FBXL2: variants seen among roughly 807,000 people sequenced by gnomAD.
FBXL2 encodes F-box/LRR-repeat protein 2.
FBXL2 carries 38 observed loss-of-function variants against 69.2 expected under a neutral mutation model. That is an observed-to-expected ratio of 0.55 (90% CI 0.42 to 0.72). The LOEUF (loss-of-function observed/expected upper bound fraction) is 0.72. Ranked by LOEUF, FBXL2 falls within the 30% of genes least tolerant of loss-of-function variation. The probability of loss-of-function intolerance (pLI) is 0.00; values close to 1 mark genes in which losing one functional copy is unlikely to be tolerated. For synonymous variants in FBXL2, 192 were observed against 201.3 expected, an observed-to-expected ratio of 0.95 and a Z score of 0.39; for missense variants, 354 against 520.3, an observed-to-expected ratio of 0.68 and a Z score of 3.11.
In FBXL2 at chr3:33,366,986, T is replaced by A. The variant is rs180718782; in HGVS notation, c.290+2267T>A. ...AAACAATTTTAAAAAATTCTGGGAG[T>A]GTTTATGTACAATTTGTATTTTTTA... On this transcript the variant is annotated intron_variant, in intron 5 of 14. Transcript: ENST00000484457. Among the ~76,000 whole-genome samples, 3 of 152,130 alleles carry A rather than the reference T, an allele frequency of 2.0e-5. No homozygotes were observed. The East Asian group carries it at 5.8e-4, about 29-fold the overall frequency.
At chr3:33,315,630 A>G (rs563257366) in intron 2 of FBXL2, among the ~76,000 whole-genome samples, 35 of 151,820 alleles carry the variant, frequency 2.3e-4, no homozygotes, top group Non-Finnish European at 4.7e-4. Context: ...TATTTCAGAA[A>G]ATTTTTCTTT....
rs11312891 is a variant in FBXL2, at chr3:33,300,875, ATT to A, written c.65+3162_65+3163del. Among the ~76,000 whole-genome samples the A allele has an allele frequency of 7.2e-4, 106 of 146,752 alleles. 2 individuals carry two copies. The highest frequency in any genetic ancestry group is 1.9e-3 in the African/African-American group (77 of 40,128). ...AGGTGCCCGCCACAACGCCCAGCTAATTTTTTTTTTTTTGTATTTTTAGTAGA... is the reference window on the plus strand; with the variant it reads ...AGGTGCCCGCCACAACGCCCAGCTAATTTTTTTTTTTGTATTTTTAGTAGA... On this transcript the variant is annotated intron_variant, in intron 2 of 14. Coordinates refer to ENST00000484457, the MANE Select transcript of FBXL2 (RefSeq NM_012157.5).
intron 2 of FBXL2, among the ~76,000 whole-genome samples, chr3:33,316,061 CTTTT>C (rs112932404): frequency 2.1e-5 from 3 of 141,470 alleles, no homozygotes; most frequent in African/African-American, 5.2e-5. Context: ...GTTTTGCTTA[CTTTT>C]TTTTTTTTTT....
chr3:33,383,238 A>G (rs1435355943), intron 13 of FBXL2: 1 of 152,346 alleles, frequency 6.6e-6, no homozygotes, highest in East Asian at 1.9e-4. Context: ...TTGAAGGAAC[A>G]AATGAACAAA....
the FBXL2 span, among the ~76,000 whole-genome samples, chr3:33,410,240 G>A: frequency 1.3e-5 from 2 of 152,196 alleles, no homozygotes; most frequent in African/African-American, 2.4e-5. Context: ...CACCCTGGAT[G>A]ACAGCCTTAG....
chr3:33,304,140 A>G (rs1272801585), intron 2 of FBXL2, among the ~76,000 whole-genome samples: 1 of 152,118 alleles, frequency 6.6e-6, no homozygotes. Flanking sequence ...GCAGCATTTT[A>G]AAAACTTCAG....
chr3:33,375,450 CAG>C lies in FBXL2; in HGVS notation c.788+35_788+36del, dbSNP rs749992276. 3.4e-5 allele frequency: 55 copies of C among 1,601,892 alleles called. 1 individual carries two copies. In the African/African-American group the frequency reaches 6.2e-4, roughly 18 times the overall value. Reference sequence around the variant, plus strand: ...ACACTGCACTTTTTGCTTTGCAGCTCAGAGTTTGGCTGAGTTAACCAAGAGGG... The same window carrying C: ...ACACTGCACTTTTTGCTTTGCAGCTCAGTTTGGCTGAGTTAACCAAGAGGG... On this transcript the variant is annotated intron_variant, in intron 10 of 14. Coordinates refer to ENST00000484457, the MANE Select transcript of FBXL2 (RefSeq NM_012157.5).
intron 5 of FBXL2, among the ~76,000 whole-genome samples, chr3:33,367,244 G>A (rs2042012274): frequency 6.6e-6 from 1 of 152,034 alleles, no homozygotes; most frequent in African/African-American, 2.4e-5. Flanking sequence ...ACCATGCCTG[G>A]CTAATTTTAT....
intron 2 of FBXL2, among the ~76,000 whole-genome samples, chr3:33,325,357 C>G (rs1448147839): frequency 6.6e-6 from 1 of 152,144 alleles, no homozygotes; most frequent in Non-Finnish European, 1.5e-5. Context: ...AAAGGGCATC[C>G]TTGTCTTGTG....
At chr3:33,417,133 A>C in the FBXL2 span, among the ~76,000 whole-genome samples, 7 of 152,180 alleles carry the variant, frequency 4.6e-5, no homozygotes, top group Non-Finnish European at 7.3e-5. Context: ...AGCTTTTCTG[A>C]GATATAGTTT....
chr3:33,321,386 G>A (rs1222560488), intron 2 of FBXL2, among the ~76,000 whole-genome samples: 1 of 151,706 alleles, frequency 6.6e-6, no homozygotes, highest in Admixed American at 6.6e-5. Context: ...TATTTTAAAG[G>A]AGAGGAAGCA....
At chr3:33,400,142 A>G (rs369331402) in intron 12 of FBXL2, 3 of 1,278,064 alleles carry the variant, frequency 2.3e-6, no homozygotes, top group African/African-American at 3.1e-5. Flanking sequence ...GCACAGAAAC[A>G]AAAACAAAAC....
intron 1 of FBXL2, among the ~76,000 whole-genome samples, chr3:33,280,274 C>T (rs941143164): frequency 3.3e-5 from 5 of 152,182 alleles, no homozygotes; most frequent in Admixed American, 1.3e-4. Context: ...AATTGGCATC[C>T]GCTTTTTGTG....
intron 12 of FBXL2, chr3:33,400,067 C>T (rs1249186228): frequency 3.6e-6 from 2 of 549,428 alleles, no homozygotes; most frequent in Non-Finnish European, 5.8e-6. Context: ...CTTCTCTGTA[C>T]ATTTTTCTTT....
chr3:33,409,680 C>T, the FBXL2 span: 1 of 1,537,118 alleles, frequency 6.5e-7, no homozygotes, highest in Non-Finnish European at 8.9e-7. Context: ...CTTGAGTGAC[C>T]TGACACCACT....
At chr3:33,412,288 G>A in the FBXL2 span, among the ~76,000 whole-genome samples, 2 of 151,068 alleles carry the variant, frequency 1.3e-5, no homozygotes, top group African/African-American at 2.4e-5. Context: ...GCTACTTGAC[G>A]TTTTAACTAT....
At chr3:33,284,563 C>T (rs1390234034) in intron 1 of FBXL2, among the ~76,000 whole-genome samples, 5 of 152,192 alleles carry the variant, frequency 3.3e-5, no homozygotes, top group East Asian at 1.9e-4. Flanking sequence ...CTATTAGGTC[C>T]GCTTGGTGCA....
At chr3:33,406,110 T>C (rs1269137079), downstream of FBXL2, among the ~76,000 whole-genome samples, 2 of 152,222 alleles carry the variant, frequency 1.3e-5, no homozygotes, top group African/African-American at 2.4e-5. Flanking sequence ...GCCCATTCTT[T>C]TAAAATTAGG....
intron 1 of FBXL2, among the ~76,000 whole-genome samples, chr3:33,285,857 G>A (rs570976167): frequency 2.5e-4 from 38 of 152,152 alleles, no homozygotes; most frequent in African/African-American, 8.7e-4. Flanking sequence ...CATGCATCAC[G>A]TGGTTCTCAT....
Sources: allele counts gnomAD v4.1 joint callset (sites outside exome capture counted in the v4.1 genomes callset), GRCh38; gene constraint gnomAD v4.1.1; transcripts MANE v1.5; gene names NCBI Gene and HGNC (gene_info 2026-07-23, HGNC 2026-07-21).